The following KLF8 variants were observed in gnomAD, a reference collection of about 807,000 sequenced individuals.
KLF8 encodes the protein KLF transcription factor 8.
A neutral mutation model predicts 18.2 loss-of-function variants in KLF8; 10 were observed. The ratio of observed to expected loss-of-function variants is 0.55; its 90% CI spans 0.34 to 0.93. The LOEUF is 0.93. Among genes scored for constraint, KLF8 ranks in the 40% least tolerant of loss-of-function variants. The pLI is 0.02. For synonymous variants in KLF8, 109 were observed against 97.3 expected (o/e 1.12, Z -0.71); for missense variants, 264 against 277.9 (o/e 0.95, Z 0.36).
the KLF8 span, among the ~76,000 whole-genome samples, chrX:55,923,118 C>A: frequency 1.5e-4 from 17 of 111,364 alleles, no homozygotes; most frequent in African/African-American, 5.2e-4. Flanking sequence ...AAATGTGGTA[C>A]ATATACACCA....
At chrX:56,109,402 A>G in the KLF8 span, among the ~76,000 whole-genome samples, 1 of 110,134 alleles carries the variant, frequency 9.1e-6, no homozygotes, top group Non-Finnish European at 1.9e-5. Context: ...CTCAAAAAAA[A>G]AAAAAAAAGA....
At chrX:56,045,059 G>T in the KLF8 span, among the ~76,000 whole-genome samples, 3 of 112,052 alleles carry the variant, frequency 2.7e-5, no homozygotes, top group Non-Finnish European at 5.6e-5. Context: ...GGTCCATGTT[G>T]AGTTGATTTT....
At chrX:56,205,674 G>A in the KLF8 span, among the ~76,000 whole-genome samples, 1 of 111,960 alleles carries the variant, frequency 8.9e-6, no homozygotes, top group Admixed American at 9.5e-5. Context: ...CTTGTGGAAT[G>A]AATTTTAAAG....
At chrX:56,047,320 G>C in the KLF8 span, among the ~76,000 whole-genome samples, 2 of 108,938 alleles carry the variant, frequency 1.8e-5, no homozygotes, top group African/African-American at 3.3e-5. Flanking sequence ...CAATGTGCAG[G>C]TTTGTTACAT....
the KLF8 span, among the ~76,000 whole-genome samples, chrX:55,922,871 G>A: frequency 8.9e-6 from 1 of 112,152 alleles, no homozygotes; most frequent in African/African-American, 3.2e-5. Flanking sequence ...CTTTTGCACT[G>A]TTGGTGGGAG....
At chrX:56,155,129 C>A in the KLF8 span, among the ~76,000 whole-genome samples, 1 of 111,461 alleles carries the variant, frequency 9.0e-6, no homozygotes, top group Non-Finnish European at 1.9e-5. Context: ...GACTATAAAT[C>A]ATGCTGCTAT....
chrX:56,052,373 T>C, the KLF8 span, among the ~76,000 whole-genome samples: 2 of 104,741 alleles, frequency 1.9e-5, no homozygotes, highest in African/African-American at 3.5e-5. Context: ...AGTTTTTCTG[T>C]TCTGTTTTTC....
chrX:55,985,895 T>C, the KLF8 span, among the ~76,000 whole-genome samples: 515 of 111,163 alleles, frequency 4.6e-3, 4 homozygotes, highest in South Asian at 0.02. Context: ...TTGTGGGAAT[T>C]GTGAATGGGG....
At chrX:55,985,931 T>A in the KLF8 span, among the ~76,000 whole-genome samples, 1 of 110,984 alleles carries the variant, frequency 9.0e-6, no homozygotes, top group East Asian at 2.8e-4. Context: ...GGCTCTCTGC[T>A]TGCGTGTTGT....
the KLF8 span, among the ~76,000 whole-genome samples, chrX:56,128,115 C>T: frequency 9.0e-6 from 1 of 111,486 alleles, no homozygotes; most frequent in Non-Finnish European, 1.9e-5. Context: ...ATTGAGAAAG[C>T]ATTCCAGATG....
chrX:55,971,798 A>G, the KLF8 span, among the ~76,000 whole-genome samples: 1 of 111,621 alleles, frequency 9.0e-6, no homozygotes, highest in Non-Finnish European at 1.9e-5. Flanking sequence ...ACAGACAAGC[A>G]TATGAAAAGG....
chrX:55,947,644 A>G, the KLF8 span, among the ~76,000 whole-genome samples: 1 of 111,127 alleles, frequency 9.0e-6, no homozygotes, highest in Non-Finnish European at 1.9e-5. Context: ...TAGTAATAAA[A>G]AAAATGCAAT....
At chrX:56,013,798 A>G in the KLF8 span, among the ~76,000 whole-genome samples, 7 of 111,458 alleles carry the variant, frequency 6.3e-5, no homozygotes, top group Admixed American at 9.5e-5. Flanking sequence ...CTCCCCAGCT[A>G]TGCTGAACTG....
the KLF8 span, among the ~76,000 whole-genome samples, chrX:56,128,435 T>G: frequency 3.6e-5 from 4 of 111,831 alleles, no homozygotes; most frequent in Admixed American, 1.9e-4. Flanking sequence ...TGTGAATATA[T>G]CCTTTCGCCA....
rs1401148065 is a variant in KLF8 at position 56,285,857 on chromosome X, G to A, written c.*1363G>A. 9.0e-6 allele frequency: 1 copy of A among 111,455 alleles called. No homozygotes were observed. Among genetic ancestry groups the A allele is most frequent in the African/African-American group, 3.3e-5 (1 of 30,636 alleles). 9.2% of individuals were successfully genotyped at this position (111,455 alleles called of 1,213,427 possible). A position where few individuals can be genotyped will look rare whatever the true frequency, so the allele number is the denominator to read the frequency against. On this transcript the variant is annotated 3_prime_UTR_variant, in exon 6 of 6. Coordinates refer to ENST00000468660, the MANE Select transcript of KLF8 (RefSeq NM_007250.5). Reference sequence around the variant, plus strand: ...TTCCTTTCTGGGGTCAGGGGTAGGGGAGGGGGCTTTGCATCACTTGAATTT... The same window carrying A: ...TTCCTTTCTGGGGTCAGGGGTAGGGAAGGGGGCTTTGCATCACTTGAATTT...
chrX:55,934,221 A>C, the KLF8 span, among the ~76,000 whole-genome samples: 1 of 111,719 alleles, frequency 9.0e-6, no homozygotes, highest in African/African-American at 3.2e-5. Context: ...TCTGTTACCT[A>C]TCAGAGTCAT....
the KLF8 span, among the ~76,000 whole-genome samples, chrX:56,028,457 A>T: frequency 9.0e-6 from 1 of 111,517 alleles, no homozygotes; most frequent in Admixed American, 9.5e-5. Context: ...CCCAGGTAGC[A>T]TACCTGCTGT....
chrX:56,051,407 C>T, the KLF8 span, among the ~76,000 whole-genome samples: 3 of 110,087 alleles, frequency 2.7e-5, no homozygotes, highest in Non-Finnish European at 5.7e-5. Context: ...CGGCTGGTGC[C>T]GGTTGTTCCT....
chrX:55,988,353 T>A, the KLF8 span, among the ~76,000 whole-genome samples: 1 of 111,855 alleles, frequency 8.9e-6, no homozygotes, highest in East Asian at 2.8e-4. Context: ...TGTAAGTCTT[T>A]AATCCATCTT....
Sources: gnomAD v4.1 joint callset for allele counts (sites outside exome capture counted in the v4.1 genomes callset) on GRCh38, gnomAD v4.1.1 for gene constraint, MANE v1.5 for transcripts, NCBI Gene and HGNC (gene_info 2026-07-23, HGNC 2026-07-21) for gene names.